Variants in S100A1 observed in about 807,000 individuals in gnomAD.
S100A1 encodes the protein S100 calcium binding protein A1.
Under a neutral mutation model 7.6 loss-of-function variants are expected in S100A1, and 3 were observed. The observed-to-expected ratio is 0.40, with a 90% CI of 0.18 to 1.02. The LOEUF (loss-of-function observed/expected upper bound fraction) is 1.02, where lower values mean the gene tolerates loss of function less well. Among genes scored for constraint, S100A1 ranks in the 50% least tolerant of loss-of-function variants. The pLI is 0.35. For missense variants in S100A1, 126 were observed against 115.0 expected (o/e 1.10, Z -0.44); for synonymous variants, 49 against 49.0 (o/e 1.00, Z 0.00).
At chr1:153,628,562 G>T in intron 1 of S100A1, 66 bp downstream of exon 1, 1 of 1,541,978 alleles carries the variant, frequency 6.5e-7, no homozygotes, top group Non-Finnish European at 8.8e-7. Flanking sequence ...GTCTTCAGAA[G>T]GGCTCCAAGA....
In S100A1 at chr1:153,631,762, A is replaced by G; in HGVS notation, c.206A>G (p.Glu69Gly). ...GAGCTAGACGAGAATGGAGACGGGG[A>G]GGTGGACTTCCAGGAGTATGTGGTG... ...MKELDENGDG[E>G]VDFQEYVVLV... Residue 69 changes from glutamate to glycine, a missense_variant, in exon 3 of 3, where the codon GAG (glutamate) becomes GGG (glycine). Transcript: ENST00000292169. 3.7e-6 allele frequency: 6 copies of G among 1,614,138 alleles called. No homozygotes were observed. Among genetic ancestry groups the G allele is most frequent in the Non-Finnish European group, 1.7e-6 (2 of 1,180,026 alleles).
intron 2 of S100A1, chr1:153,630,880 T>C (rs889635637): frequency 7.0e-5 from 39 of 559,658 alleles, no homozygotes; most frequent in Middle Eastern, 9.2e-4. Flanking sequence ...TTAGGCCCTG[T>C]GTAGATTCAT....
At chr1:153,628,563 G>A in intron 1 of S100A1, 67 bp downstream of exon 1, 3 of 1,538,548 alleles carry the variant, frequency 1.9e-6, no homozygotes, top group African/African-American at 1.4e-5. Context: ...TCTTCAGAAG[G>A]GCTCCAAGAG....
At chr1:153,631,346 G>C (rs372555196) in intron 2 of S100A1, 3 of 1,023,614 alleles carry the variant, frequency 2.9e-6, no homozygotes, top group Non-Finnish European at 2.8e-6. Flanking sequence ...TTTAACCACC[G>C]ATTACCAATT....
rs1441001576 is a variant in S100A1, at chr1:153,631,873, C to G, written c.*32C>G. On this transcript the variant is annotated 3_prime_UTR_variant, in exon 3 of 3. Transcript: ENST00000292169. ...AGCCACATTGGGCAGCGCCCTTCCT[C>G]TCCACCCTCCCAGACCTGCCTCTTC... is the stretch of plus-strand genomic sequence containing the variant. 1.9e-6 allele frequency: 3 copies of G among 1,607,224 alleles called. No homozygotes were observed. Among genetic ancestry groups the G allele is most frequent in the Non-Finnish European group, 2.5e-6 (3 of 1,177,252 alleles).
intron 2 of S100A1, 87 bp downstream of exon 2, chr1:153,630,749 C>A: frequency 6.6e-7 from 1 of 1,519,128 alleles, no homozygotes; most frequent in Non-Finnish European, 9.0e-7. Context: ...CCCACCCCAC[C>A]TCCAGCTCAG....
chr1:153,630,746 C>T (rs1411751705), intron 2 of S100A1, 84 bp downstream of exon 2: 2 of 1,529,838 alleles, frequency 1.3e-6, no homozygotes, highest in Non-Finnish European at 1.8e-6. Context: ...CTCCCCACCC[C>T]ACCTCCAGCT....
At chr1:153,630,459 AG>A (rs1557930694) in intron 1 of S100A1, 49 bp from the exon 2 acceptor site, 1 of 1,597,506 alleles carries the variant, frequency 6.3e-7, no homozygotes, top group Admixed American at 1.7e-5. Flanking sequence ...CCTAGACCCC[AG>A]GTACTCCGGG....
intron 2 of S100A1, chr1:153,631,466 G>A (rs764419020): frequency 1.3e-6 from 2 of 1,583,748 alleles, no homozygotes; most frequent in Non-Finnish European, 1.7e-6. Context: ...TTTATTATAG[G>A]CACTGAACAT....
chr1:153,630,478 C>G (rs537799340), intron 1 of S100A1, 31 bp from the exon 2 acceptor site: 1 of 1,609,910 alleles, frequency 6.2e-7, no homozygotes, highest in South Asian at 1.1e-5. Flanking sequence ...GGGCCTGGTC[C>G]TCAGCTCACT....
chr1:153,631,613 T>C, intron 2 of S100A1, 85 bp from the exon 3 acceptor site: 2 of 1,613,706 alleles, frequency 1.2e-6, no homozygotes, highest in Non-Finnish European at 1.7e-6. Flanking sequence ...CATCTTTGCC[T>C]CCTGCTCCTC....
chr1:153,630,498 G>C lies in S100A1; in HGVS notation c.-13-11G>C, dbSNP rs758887571. 2.0e-5 allele frequency: 33 copies of C among 1,613,136 alleles called. No individual in the cohort carries two copies. The South Asian group carries it at 3.1e-4, about 15-fold the overall frequency. On this transcript the variant is annotated splice_polypyrimidine_tract_variant and intron_variant, in intron 1 of 2. Transcript: ENST00000292169. ...TGGTCCTCAGCTCACTTCCATGATG[G>C]GGGTGGGTAGGTGCACTGCTGCAAT...
intron 1 of S100A1, chr1:153,628,767 C>T (rs1435636849): frequency 2.0e-6 from 1 of 502,638 alleles, no homozygotes; most frequent in Non-Finnish European, 3.4e-6. Flanking sequence ...TCCTGACCGC[C>T]TGGCCCTCCC....
At chr1:153,631,455 CT>C (rs1172435701) in intron 2 of S100A1, 1 of 1,572,588 alleles carries the variant, frequency 6.4e-7, no homozygotes, top group Non-Finnish European at 8.6e-7. Flanking sequence ...GTAGTGCTTG[CT>C]TTATTATAGG....
intron 2 of S100A1, 26 bp downstream of exon 2, chr1:153,630,688 G>C (rs201157201): frequency 1.6e-4 from 258 of 1,611,780 alleles, no homozygotes; most frequent in African/African-American, 1.3e-5. Flanking sequence ...TGGAGTGGGA[G>C]TGGAGTGGGT....
intron 1 of S100A1, chr1:153,628,795 C>T (rs922082837): frequency 1.9e-5 from 8 of 423,452 alleles, no homozygotes; most frequent in Non-Finnish European, 2.5e-5. Flanking sequence ...GCCCTCAAGT[C>T]CCTGCCAAGG....
At chr1:153,631,277 G>T (rs1264945036) in intron 2 of S100A1, 3 of 622,760 alleles carry the variant, frequency 4.8e-6, no homozygotes, top group African/African-American at 1.8e-5. Flanking sequence ...AGGTTTTATT[G>T]GACTGGGTTC....
chr1:153,631,919 C>T lies in S100A1; in HGVS notation c.*78C>T. The T allele has an allele frequency of 1.3e-6, 2 of 1,549,538 alleles. No homozygotes were observed. Among genetic ancestry groups the T allele is most frequent in the Non-Finnish European group, 8.7e-7 (1 of 1,144,966 alleles). ...TCTTCCCCCTGCTTCCACCTCACCC[C>T]ACTTATCCCTCTCCATAACCCCACC... On this transcript the variant is annotated 3_prime_UTR_variant, in exon 3 of 3. Transcript: ENST00000292169.
intron 1 of S100A1, chr1:153,630,210 C>A (rs1044937715): frequency 4.4e-6 from 2 of 457,884 alleles, no homozygotes; most frequent in Non-Finnish European, 7.7e-6. Flanking sequence ...GCAGCCACTG[C>A]AGACATCTAC....
Sources: allele counts gnomAD v4.1 joint callset, GRCh38; gene constraint gnomAD v4.1.1; transcripts MANE v1.5; gene names NCBI Gene and HGNC (gene_info 2026-07-23, HGNC 2026-07-21).